Variants in C2CD3 observed in about 807,000 individuals in gnomAD.
C2CD3 encodes C2 domain containing 3 centriole elongation regulator.
In C2CD3, 148 loss-of-function variants were observed where a neutral mutation model predicts 234.0. The ratio of observed to expected loss-of-function variants is 0.63; its 90% confidence interval spans 0.55 to 0.72. The LOEUF (loss-of-function observed/expected upper bound fraction) is 0.72, where lower values mean the gene tolerates loss of function less well. Ranked by LOEUF, C2CD3 falls within the 30% of genes least tolerant of loss-of-function variation. The pLI, the probability that C2CD3 is intolerant of heterozygous loss-of-function variation, is 0.00. For missense variants in C2CD3, 2,577 were observed against 2,811.5 expected (o/e 0.92, Z 1.89); for synonymous variants, 1,000 against 1,035.4 (o/e 0.97, Z 0.66).
At chr11:74,088,877 A>C (rs1258046669) in intron 20 of C2CD3, among the ~76,000 whole-genome samples, 1 of 152,196 alleles carries the variant, frequency 6.6e-6, no homozygotes, top group Non-Finnish European at 1.5e-5. Context: ...AGGGGCTTGA[A>C]TGCCAAGCTA....
chr11:74,025,555 C>T (rs946330983), intron 32 of C2CD3, among the ~76,000 whole-genome samples: 1 of 152,152 alleles, frequency 6.6e-6, no homozygotes, highest in African/African-American at 2.4e-5. Context: ...AACAGCAATT[C>T]TGCTTGGAAG....
intron 22 of C2CD3, among the ~76,000 whole-genome samples, chr11:74,081,279 T>C (rs1324206898): frequency 6.6e-6 from 1 of 152,184 alleles, no homozygotes; most frequent in African/African-American, 2.4e-5. Context: ...ACCCAGTTAC[T>C]AGTTAAGTAG....
intron 8 of C2CD3, among the ~76,000 whole-genome samples, chr11:74,119,788 AC>A (rs1220024452): frequency 6.6e-6 from 1 of 151,978 alleles, no homozygotes; most frequent in Admixed American, 6.6e-5. Context: ...GGAATGTGCC[AC>A]CATATCTGGC....
intron 9 of C2CD3, 85 bp downstream of exon 9, chr11:74,118,143 C>A: frequency 1.0e-6 from 1 of 1,001,070 alleles, no homozygotes; most frequent in South Asian, 1.6e-5. Flanking sequence ...TGGTGCTGGG[C>A]AAATGGGTCA....
intron 32 of C2CD3, among the ~76,000 whole-genome samples, chr11:74,023,535 T>C (rs1458749839): frequency 9.9e-5 from 15 of 152,206 alleles, no homozygotes; most frequent in Admixed American, 9.8e-4. Flanking sequence ...CAATCTCTAA[T>C]CCTGTCTGCT....
chr11:74,074,466 T>C lies in C2CD3; in HGVS notation c.4738A>G (p.Ser1580Gly), dbSNP rs906240521. 28 of 1,614,066 alleles carry C rather than the reference T, an allele frequency of 1.7e-5. No homozygotes were observed. The highest frequency in any genetic ancestry group is 2.3e-5 in the Non-Finnish European group (27 of 1,180,026). Residue 1580 changes from serine to glycine, a missense_variant, in exon 24 of 33, where the codon AGT (serine) becomes GGT (glycine). Physicochemically the swap from Ser to Gly is moderately conservative, Grantham distance 56. Coordinates refer to ENST00000334126, the MANE Select transcript of C2CD3 (RefSeq NM_001286577.2). The part of the protein sequence containing the change: ...ELDSMDCSSH[S>G]ESEQLPRRND... ...CTTCTGGGGAGCTGCTCAGACTCAC[T>C]GTGGCTGCTGCAGTCCATGGAGTCC...
rs147282233 is a variant in C2CD3, at chr11:74,161,656, G to GA, written c.326-101dup. On this transcript the variant is annotated intron_variant, in intron 2 of 32. Coordinates refer to ENST00000334126, the MANE Select transcript of C2CD3 (RefSeq NM_001286577.2). ...TATATGCGGAAAAGCTTTCTAACTT[G>GA]AAAAAAAATATTTTATGTTGGATAA... is the stretch of plus-strand genomic sequence containing the variant. 52,901 of 649,902 alleles carry GA rather than the reference G, an allele frequency of 0.081. 2,921 individuals are homozygous for GA. The highest frequency in any genetic ancestry group is 0.088 in the Non-Finnish European group (35,309 of 401,576). 40.3% of individuals were successfully genotyped at this position (649,902 alleles called of 1,614,324 possible).
At chr11:74,059,462 C>T (rs549095522) in intron 24 of C2CD3, among the ~76,000 whole-genome samples, 78 of 151,172 alleles carry the variant, frequency 5.2e-4, no homozygotes, top group African/African-American at 1.7e-3. Flanking sequence ...TCCATACTCC[C>T]ACTTCTCCTG....
At chr11:74,083,555 C>G (rs1203754718) in intron 22 of C2CD3, among the ~76,000 whole-genome samples, 2 of 152,114 alleles carry the variant, frequency 1.3e-5, no homozygotes, top group African/African-American at 4.8e-5. Context: ...TGACAAAGGG[C>G]TAATATCCAG....
At chr11:74,059,976 C>T (rs826052) in intron 24 of C2CD3, among the ~76,000 whole-genome samples, 7,023 of 152,270 alleles carry the variant, frequency 0.046, 472 homozygotes, top group African/African-American at 0.15. Context: ...CTGTATCCCG[C>T]GCCTGGCTTG....
intron 11 of C2CD3, 57 bp from the exon 12 acceptor site, chr11:74,109,209 A>G: frequency 1.2e-6 from 1 of 849,142 alleles, no homozygotes; most frequent in African/African-American, 1.8e-5. Flanking sequence ...AGTCATCATC[A>G]ATTCATGCCT....
At chr11:74,095,878 A>G (rs1306040918) in intron 16 of C2CD3, among the ~76,000 whole-genome samples, 1 of 152,188 alleles carries the variant, frequency 6.6e-6, no homozygotes, top group Non-Finnish European at 1.5e-5. Context: ...ATAATTTAAG[A>G]AAAAAAGGAA....
At chr11:74,093,175 T>C (rs748926145) in intron 18 of C2CD3, among the ~76,000 whole-genome samples, 8 of 151,976 alleles carry the variant, frequency 5.3e-5, no homozygotes, top group African/African-American at 9.7e-5. Flanking sequence ...TCCTCTTATA[T>C]TTATACTCTC....
chr11:74,108,242 T>C (rs1397192141), intron 12 of C2CD3: 2 of 152,046 alleles, frequency 1.3e-5, no homozygotes, highest in African/African-American at 2.4e-5. Flanking sequence ...TAATAGAGTT[T>C]ATCTTGAGGT....
At chr11:74,066,390 C>T (rs1175678198) in intron 24 of C2CD3, among the ~76,000 whole-genome samples, 2 of 150,904 alleles carry the variant, frequency 1.3e-5, no homozygotes, top group African/African-American at 4.9e-5. Context: ...CAAACCTGCA[C>T]GTTGTGCACA....
chr11:74,088,598 G>A (rs1477687942), intron 20 of C2CD3, among the ~76,000 whole-genome samples: 1 of 152,186 alleles, frequency 6.6e-6, no homozygotes, highest in Non-Finnish European at 1.5e-5. Flanking sequence ...AGCAACTACT[G>A]AGTTTCCGAC....
chr11:74,086,722 T>G (rs1331575261), intron 20 of C2CD3, among the ~76,000 whole-genome samples: 1 of 152,188 alleles, frequency 6.6e-6, no homozygotes, highest in African/African-American at 2.4e-5. Context: ...ACGACACTCA[T>G]AAAGAGTAGT....
chr11:74,155,499 T>C (rs2135562542), intron 3 of C2CD3, among the ~76,000 whole-genome samples: 1 of 152,222 alleles, frequency 6.6e-6, no homozygotes, highest in Non-Finnish European at 1.5e-5. Context: ...GTCAAAACAA[T>C]CCAAATGTCT....
chr11:74,108,144 CTG>C (rs10596550), intron 12 of C2CD3: 36,652 of 134,294 alleles, frequency 0.27, 5,842 homozygotes, highest in African/African-American at 0.45. Context: ...AAGCGAGACT[CTG>C]TGTCAAAAAA....
Sources: gnomAD v4.1 joint callset for allele counts (sites outside exome capture counted in the v4.1 genomes callset) on GRCh38, gnomAD v4.1.1 for gene constraint, MANE v1.5 for transcripts, NCBI Gene and HGNC (gene_info 2026-07-23, HGNC 2026-07-21) for gene names.